HNF4G: variants seen among roughly 807,000 people sequenced by gnomAD.
HNF4G encodes hepatocyte nuclear factor 4-gamma.
Under a neutral mutation model 50.9 loss-of-function variants are expected in HNF4G, and 21 were observed. That is an observed-to-expected ratio of 0.41 (90% CI 0.29 to 0.59). The LOEUF is 0.59. HNF4G is among the 20% of genes least tolerant of loss of function. The probability of loss-of-function intolerance (pLI) is 0.26; values close to 1 mark genes in which losing one functional copy is unlikely to be tolerated. For missense variants in HNF4G, 527 were observed against 559.4 expected (o/e 0.94, Z 0.58); for synonymous variants, 198 against 185.6 (o/e 1.07, Z -0.54).
intron 1 of HNF4G, among the ~76,000 whole-genome samples, chr8:75,438,839 T>C (rs1811203780): frequency 6.6e-6 from 1 of 152,102 alleles, no homozygotes; most frequent in South Asian, 2.1e-4. Context: ...TTAGCAGATC[T>C]ATGTATAATA....
intron 1 of HNF4G, among the ~76,000 whole-genome samples, chr8:75,420,461 T>A (rs1474154900): frequency 6.6e-6 from 1 of 152,234 alleles, no homozygotes; most frequent in African/African-American, 2.4e-5. Flanking sequence ...CCGTCTCTCT[T>A]TTACCTCTTG....
At chr8:75,501,936 T>C (rs1241842914) in intron 2 of HNF4G, among the ~76,000 whole-genome samples, 1 of 151,342 alleles carries the variant, frequency 6.6e-6, no homozygotes, top group Non-Finnish European at 1.5e-5. Context: ...CACTGCAACC[T>C]CCGCCTCCCG....
chr8:75,536,111 A>G (rs888271793), upstream of HNF4G, among the ~76,000 whole-genome samples: 1 of 151,958 alleles, frequency 6.6e-6, no homozygotes, highest in Non-Finnish European at 1.5e-5. Context: ...CCTACAAAAC[A>G]TGAGATTTCA....
chr8:75,496,406 G>A (rs1337703934), intron 2 of HNF4G, among the ~76,000 whole-genome samples: 1 of 151,518 alleles, frequency 6.6e-6, no homozygotes, highest in Non-Finnish European at 1.5e-5. Flanking sequence ...TTAACTTCAT[G>A]GCACTGGAGG....
intron 1 of HNF4G, among the ~76,000 whole-genome samples, chr8:75,440,661 G>A (rs1458258100): frequency 1.3e-5 from 2 of 152,104 alleles, no homozygotes; most frequent in Non-Finnish European, 2.9e-5. Context: ...GAAAAAAGGT[G>A]AAGCTTATAC....
intron 1 of HNF4G, among the ~76,000 whole-genome samples, chr8:75,438,183 CAT>C (rs1811187630): frequency 6.6e-6 from 1 of 152,168 alleles, no homozygotes; most frequent in Non-Finnish European, 1.5e-5. Context: ...TATACATAAA[CAT>C]ATGCATATTT....
At chr8:75,541,419 A>G (rs1021090707) in intron 1 of HNF4G, among the ~76,000 whole-genome samples, 2 of 152,124 alleles carry the variant, frequency 1.3e-5, no homozygotes, top group African/African-American at 2.4e-5. Flanking sequence ...TAACTTTCAT[A>G]TTGTCAATAT....
At chr8:75,526,784 T>G (rs1390087436) in intron 2 of HNF4G, among the ~76,000 whole-genome samples, 1 of 150,938 alleles carries the variant, frequency 6.6e-6, no homozygotes, top group Non-Finnish European at 1.5e-5. Flanking sequence ...TTTTTTTCTT[T>G]GAGATGGAGT....
At chr8:75,495,535 ATTTTTTT>A (rs10659091) in intron 2 of HNF4G, 1 of 134,892 alleles carries the variant, frequency 7.4e-6, no homozygotes, top group Non-Finnish European at 1.6e-5. Flanking sequence ...AACACTTCTA[ATTTTTTT>A]TTTTTTTTTT....
intron 2 of HNF4G, among the ~76,000 whole-genome samples, chr8:75,519,607 A>G (rs1374195469): frequency 6.6e-6 from 1 of 152,148 alleles, no homozygotes; most frequent in Admixed American, 6.6e-5. Flanking sequence ...CTTATTCACT[A>G]TCATGAGAAC....
chr8:75,544,098 T>G, intron 2 of HNF4G, 119 bp downstream of exon 2: 54 of 803,360 alleles, frequency 6.7e-5, no homozygotes, highest in Non-Finnish European at 9.5e-5. Flanking sequence ...ATACAATCTC[T>G]AAACTGCGGT....
chr8:75,538,163 A>G (rs764805311), upstream of HNF4G, among the ~76,000 whole-genome samples: 55 of 152,316 alleles, frequency 3.6e-4, no homozygotes, highest in Middle Eastern at 6.8e-3. Context: ...AAATGAAGAA[A>G]ATAACATAAA....
chr8:75,489,403 A>G (rs1450678819), intron 1 of HNF4G, among the ~76,000 whole-genome samples: 1 of 152,222 alleles, frequency 6.6e-6, no homozygotes, highest in Non-Finnish European at 1.5e-5. Context: ...GCTGGAAGAG[A>G]CCAGAGATAA....
At position 75,494,376 on chromosome 8, in the gene HNF4G, G is replaced by GA. The variant is rs530138127; in HGVS notation, c.-24+4174dup. Among the ~76,000 whole-genome samples the GA allele has an allele frequency of 6.2e-5, 9 of 144,556 alleles. No homozygotes were observed. The East Asian group carries it at 1.2e-3, about 20-fold the overall frequency. The allele number at this position is 144,556 out of a possible 152,430, so 94.8% of individuals were successfully genotyped here. ...GGTTGACAATACACAAGGAGACCAA[G>GA]AAAAAATCATGTGATAGATACGTGA... On this transcript the variant is annotated intron_variant, in intron 2 of 10. Coordinates refer to the HNF4G transcript ENST00000354370.
intron 1 of HNF4G, among the ~76,000 whole-genome samples, chr8:75,435,071 C>T (rs559308948): frequency 2.4e-4 from 37 of 152,174 alleles, no homozygotes; most frequent in South Asian, 1.0e-3. Flanking sequence ...TTTAATGAGG[C>T]TAGTGTAATT....
intron 2 of HNF4G, among the ~76,000 whole-genome samples, chr8:75,512,867 G>A (rs1241462361): frequency 6.6e-6 from 1 of 152,018 alleles, no homozygotes; most frequent in Non-Finnish European, 1.5e-5. Flanking sequence ...TTGTCCTGTT[G>A]CATTTTATTT....
intron 2 of HNF4G, among the ~76,000 whole-genome samples, chr8:75,495,762 T>A (rs2943601): frequency 5.9e-5 from 9 of 151,738 alleles, no homozygotes; most frequent in African/African-American, 1.9e-4. Context: ...GGTCTCGAAC[T>A]CCTGGCCTCA....
chr8:75,440,153 G>C (rs1489444082), intron 1 of HNF4G, among the ~76,000 whole-genome samples: 3 of 152,062 alleles, frequency 2.0e-5, no homozygotes, highest in African/African-American at 7.2e-5. Context: ...ATGACATTGA[G>C]AAAATACTTC....
chr8:75,556,073 AGT>A lies in HNF4G; in HGVS notation c.733+5_733+6del. 7.0e-7 allele frequency: 1 copy of A among 1,427,502 alleles called. No homozygotes were observed. The highest frequency in any genetic ancestry group is 9.3e-7 in the Non-Finnish European group (1 of 1,079,638). 88.4% of individuals were successfully genotyped at this position (1,427,502 alleles called of 1,614,324 possible). ...TATAAAGATATTTTGCTTTTGGGTA[AGT>A]TTTTTTTTTTTAATTTAAGAAGAAA... On this transcript the variant is annotated splice_donor_5th_base_variant and intron_variant, in intron 6 of 9. Coordinates refer to ENST00000396423, the MANE Select transcript of HNF4G (RefSeq NM_004133.5).
Sources: gnomAD v4.1 joint callset for allele counts (sites outside exome capture counted in the v4.1 genomes callset) on GRCh38, gnomAD v4.1.1 for gene constraint, MANE v1.5 for transcripts, NCBI Gene and HGNC (gene_info 2026-07-23, HGNC 2026-07-21) for gene names.